Variants in ACOD1 observed in about 807,000 individuals in gnomAD.
The protein encoded by ACOD1 is aconitate decarboxylase 1.
Under a neutral mutation model 14.2 loss-of-function variants are expected in ACOD1, and 14 were observed. That is an observed-to-expected ratio of 0.99 (90% CI 0.65 to 1.54). The LOEUF is 1.54. Among genes scored for constraint, ACOD1 ranks in the 40% most tolerant of loss-of-function variants. ACOD1 has a pLI of 0.00. For synonymous variants in ACOD1, 182 were observed against 221.7 expected (o/e 0.82, Z 1.59); for missense variants, 530 against 586.3 (o/e 0.90, Z 0.99).
intron 4 of ACOD1, among the ~76,000 whole-genome samples, chr13:76,956,056 A>G (rs2033872460): frequency 6.6e-6 from 1 of 152,224 alleles, no homozygotes; most frequent in Non-Finnish European, 1.5e-5. Flanking sequence ...CTTAGATGAG[A>G]TCTCAGCAAT....
At position 76,955,406 on chromosome 13, in the gene ACOD1, G is replaced by A; in HGVS notation, c.352G>A (p.Ala118Thr). The change falls in exon 4 of 5, where the codon GCC (alanine) becomes ACC (threonine). Residue 118 changes from alanine to threonine, a missense_variant. By Grantham distance (58) the Ala-to-Thr change is moderately conservative (BLOSUM62 0). Transcript: ENST00000377462. ...VLPVLTALAEALPRSPKFSGL... is the reference protein window; with the variant it reads ...VLPVLTALAETLPRSPKFSGL... The stretch of plus-strand genomic sequence containing the variant: ...TCCTGTCCTCACAGCTTTAGCAGAA[G>A]CCCTGCCAAGGAGTCCAAAGTTTTC... The A allele has an allele frequency of 6.4e-7, 1 of 1,550,604 alleles. No homozygotes were observed. The highest frequency in any genetic ancestry group is 8.7e-7 in the Non-Finnish European group (1 of 1,147,006).
chr13:76,950,330 A>T (rs2033810252), intron 1 of ACOD1, among the ~76,000 whole-genome samples: 2 of 152,220 alleles, frequency 1.3e-5, no homozygotes, highest in South Asian at 4.1e-4. Context: ...AATATTCACT[A>T]GGTGGTGAGC....
chr13:76,955,936 TCA>T (rs574607532), intron 4 of ACOD1, among the ~76,000 whole-genome samples: 81 of 152,334 alleles, frequency 5.3e-4, no homozygotes, highest in African/African-American at 1.9e-3. Flanking sequence ...ATCATATGGC[TCA>T]GTCTCAGATT....
Position 76,952,544 on chromosome 13 carries a change from C to G in ACOD1, c.68C>G (p.Thr23Arg), listed in dbSNP as rs1056712116. Residue 23 changes from threonine (T) to arginine (R), a missense_variant, in exon 2 of 5, where the codon ACA becomes AGA. Coordinates refer to ENST00000377462, the MANE Select transcript of ACOD1 (RefSeq NM_001258406.2). ...AIHGLKVGHLTDRVIQRSKRM... is the reference protein window; with the variant it reads ...AIHGLKVGHLRDRVIQRSKRM... ...CATGGCTTGAAAGTGGGACACCTGA[C>G]AGATCGTGTTATTCAGAGGAGCAAG... is the stretch of plus-strand genomic sequence containing the variant. 1 of 1,550,396 alleles carries G rather than the reference C, an allele frequency of 6.4e-7. No homozygotes were observed. The highest frequency in any genetic ancestry group is 8.7e-7 in the Non-Finnish European group (1 of 1,146,922).
At chr13:76,953,271 T>C (rs1476451087) in intron 2 of ACOD1, among the ~76,000 whole-genome samples, 1 of 152,196 alleles carries the variant, frequency 6.6e-6, no homozygotes, top group Non-Finnish European at 1.5e-5. Flanking sequence ...GAGCTCCTGC[T>C]CTCCCTAGGG....
Position 76,952,566 on chromosome 13 carries a change from C to T in ACOD1, c.90C>T (p.Ser30=), listed in dbSNP as rs1280975481. The T allele has an allele frequency of 1.9e-6, 3 of 1,550,392 alleles. No homozygotes were observed. Among genetic ancestry groups the T allele is most frequent in the Non-Finnish European group, 2.6e-6 (3 of 1,146,902 alleles). The change falls in exon 2 of 5, where the codon AGC becomes AGT. Residue 30 remains serine (S), a synonymous_variant. Coordinates refer to ENST00000377462, the MANE Select transcript of ACOD1 (RefSeq NM_001258406.2). ...TGACAGATCGTGTTATTCAGAGGAG[C>T]AAGAGGATGATTCTAGACACTCTGG... The part of the protein sequence containing the change: ...GHLTDRVIQR[S]KRMILDTLGA...
intron 1 of ACOD1, among the ~76,000 whole-genome samples, chr13:76,952,107 CAT>C (rs1311699268): frequency 6.6e-6 from 1 of 152,168 alleles, no homozygotes; most frequent in Non-Finnish European, 1.5e-5. Flanking sequence ...GCAGGTGTCT[CAT>C]AATAGCAGCT....
intron 4 of ACOD1, among the ~76,000 whole-genome samples, chr13:76,955,738 G>C (rs916225252): frequency 1.3e-5 from 2 of 152,152 alleles, no homozygotes; most frequent in Non-Finnish European, 2.9e-5. Flanking sequence ...GAGATTAATT[G>C]GGCCTCTCGT....
At chr13:76,953,364 T>A (rs2137746709) in intron 2 of ACOD1, among the ~76,000 whole-genome samples, 1 of 152,276 alleles carries the variant, frequency 6.6e-6, no homozygotes, top group South Asian at 2.1e-4. Context: ...TGTGCTTCCT[T>A]GGAGCACTTC....
Position 76,953,614 on chromosome 13 carries a change from C to T in ACOD1, c.189C>T (p.Asn63=). The T allele has an allele frequency of 1.9e-6, 3 of 1,546,012 alleles. No homozygotes were observed. Among genetic ancestry groups the T allele is most frequent in the Non-Finnish European group, 2.6e-6 (3 of 1,142,798 alleles). Residue 63 remains asparagine, a synonymous_variant, in exon 3 of 5, where the codon AAC becomes AAT. Coordinates refer to ENST00000377462, the MANE Select transcript of ACOD1 (RefSeq NM_001258406.2). The part of the protein sequence containing the change: ...ASQYSKIYSS[N]ISSTVWGQPD... Reference sequence around the variant, plus strand: ...TTTTGTTCCAGATCTACAGTTCCAACATATCCAGCACTGTTTGGGGTCAGC... The same window carrying T: ...TTTTGTTCCAGATCTACAGTTCCAATATATCCAGCACTGTTTGGGGTCAGC...
At position 76,952,444 on chromosome 13, in the gene ACOD1, A is replaced by C. The variant is rs1167703482; in HGVS notation, c.13-45A>C. 3.3e-6 allele frequency: 5 copies of C among 1,523,274 alleles called. No homozygotes were observed. In the East Asian group the frequency reaches 1.2e-4, roughly 37 times the overall value. The allele number at this position is 1,523,274 out of a possible 1,614,324, so 94.4% of individuals were successfully genotyped here. ...GTGTCTTATAGAACAGAAGTGTGTA[A>C]GTAAAGTGGGGTGTATCCCTGTCCT... is the stretch of plus-strand genomic sequence containing the variant. On this transcript the variant is annotated intron_variant, in intron 1 of 4. Coordinates refer to ENST00000377462, the MANE Select transcript of ACOD1 (RefSeq NM_001258406.2).
chr13:76,953,299 G>A (rs551034363), intron 2 of ACOD1, among the ~76,000 whole-genome samples: 30 of 152,300 alleles, frequency 2.0e-4, no homozygotes, highest in Middle Eastern at 6.8e-3. Context: ...GAGATAAACA[G>A]TTAGTCCATC....
chr13:76,950,479 T>C (rs80347014), intron 1 of ACOD1, among the ~76,000 whole-genome samples: 2,389 of 152,320 alleles, frequency 0.016, 63 homozygotes, highest in African/African-American at 0.054. Context: ...AGTACTCCAC[T>C]GCTTATGAAA....
chr13:76,948,588 G>T lies in ACOD1; in HGVS notation c.12+18G>T. ...TGCTCAAGGTATTGTAGCATTTTATGTGACTTACTTAAATTGCTTTTCTAG... is the reference window on the plus strand; with the variant it reads ...TGCTCAAGGTATTGTAGCATTTTATTTGACTTACTTAAATTGCTTTTCTAG... On this transcript the variant is annotated intron_variant, in intron 1 of 4. Transcript: ENST00000377462. The T allele has an allele frequency of 6.6e-7, 1 of 1,507,316 alleles. No homozygotes were observed. The highest frequency in any genetic ancestry group is 9.0e-7 in the Non-Finnish European group (1 of 1,117,012). 93.4% of individuals were successfully genotyped at this position (1,507,316 alleles called of 1,614,324 possible). A position where few individuals can be genotyped will look rare whatever the true frequency, so the allele number is the denominator to read the frequency against.
In ACOD1 at chr13:76,948,537, T is replaced by C; in HGVS notation, c.-22T>C. The C allele has an allele frequency of 6.5e-7, 1 of 1,548,346 alleles. No homozygotes were observed. Among genetic ancestry groups the C allele is most frequent in the Non-Finnish European group, 8.7e-7 (1 of 1,145,518 alleles). On this transcript the variant is annotated 5_prime_UTR_variant, in exon 1 of 5. Transcript: ENST00000377462. ...CTCCTCTGGTTCACTCCTCCTGAACTGAACCTCTTCTTTACAACGAAATGA... is the reference window on the plus strand; with the variant it reads ...CTCCTCTGGTTCACTCCTCCTGAACCGAACCTCTTCTTTACAACGAAATGA...
chr13:76,957,039 T>C lies in ACOD1; in HGVS notation c.500T>C (p.Leu167Ser). 2 of 1,550,046 alleles carry C rather than the reference T, an allele frequency of 1.3e-6. No individual in the cohort carries two copies. The highest frequency in any genetic ancestry group is 2.4e-5 in the South Asian group (2 of 83,990). ...RFHPPSVVGT[L>S]GSAAAASKFL... is the part of the protein sequence containing the mutation. The stretch of plus-strand genomic sequence containing the variant: ...CATCCCCCTTCCGTGGTAGGAACGT[T>C]GGGTAGTGCTGCTGCTGCATCCAAG... The change falls in exon 5 of 5, where the codon TTG becomes TCG. Residue 167 changes from leucine to serine, a missense_variant. Coordinates refer to ENST00000377462, the MANE Select transcript of ACOD1 (RefSeq NM_001258406.2).
intron 1 of ACOD1, among the ~76,000 whole-genome samples, chr13:76,950,595 G>A (rs949020009): frequency 6.6e-6 from 1 of 152,124 alleles, no homozygotes; most frequent in Admixed American, 6.5e-5. Context: ...AGTTCACACT[G>A]AGCCCATCAT....
chr13:76,954,572 C>CA (rs1412841234), intron 3 of ACOD1, among the ~76,000 whole-genome samples: 2 of 152,152 alleles, frequency 1.3e-5, no homozygotes, highest in African/African-American at 4.8e-5. Flanking sequence ...TAAAAAGGTA[C>CA]AAAAACGTAT....
At chr13:76,955,593 G>C (rs1255356053) in intron 4 of ACOD1, 69 bp downstream of exon 4, 1 of 1,394,106 alleles carries the variant, frequency 7.2e-7, no homozygotes, top group African/African-American at 1.4e-5. Flanking sequence ...TATCTCCGTA[G>C]AGCTTTCTGA....
Sources: gnomAD v4.1 joint callset for allele counts (sites outside exome capture counted in the v4.1 genomes callset) on GRCh38, gnomAD v4.1.1 for gene constraint, MANE v1.5 for transcripts, NCBI Gene and HGNC (gene_info 2026-07-23, HGNC 2026-07-21) for gene names.